Variants in PALM2AKAP2 observed in about 807,000 individuals in gnomAD.
PALM2AKAP2 encodes PALM2 and AKAP2 fusion.
Under a neutral mutation model 71.5 loss-of-function variants are expected in PALM2AKAP2, and 37 were observed. That is an observed-to-expected ratio of 0.52 (90% CI 0.40 to 0.68). The LOEUF is 0.68. Ranked by LOEUF, PALM2AKAP2 falls within the 30% of genes least tolerant of loss-of-function variation. The pLI is 0.00. For synonymous variants in PALM2AKAP2, 468 were observed against 478.8 expected, an observed-to-expected ratio of 0.98 and a Z score of 0.29; for missense variants, 1,224 against 1,191.8, an observed-to-expected ratio of 1.03 and a Z score of -0.40.
chr9:109,887,070 G>T (rs1829981435), intron 3 of PALM2AKAP2, among the ~76,000 whole-genome samples: 1 of 152,048 alleles, frequency 6.6e-6, no homozygotes, highest in African/African-American at 2.4e-5. Flanking sequence ...TGGGTCTCTG[G>T]TAAATACCAG....
intron 1 of PALM2AKAP2, among the ~76,000 whole-genome samples, chr9:109,863,811 G>A (rs1383733982): frequency 6.6e-6 from 1 of 151,028 alleles, no homozygotes; most frequent in African/African-American, 2.4e-5. Context: ...TGGGTTCGGA[G>A]GCTAACACCT....
intron 1 of PALM2AKAP2, among the ~76,000 whole-genome samples, chr9:110,080,324 T>C (rs1005125147): frequency 2.0e-5 from 3 of 152,198 alleles, no homozygotes; most frequent in African/African-American, 7.2e-5. Context: ...TTAAGGTCTT[T>C]AGTATCTTCT....
chr9:109,718,239 C>G (rs982910008), intron 1 of PALM2AKAP2, among the ~76,000 whole-genome samples: 3 of 152,020 alleles, frequency 2.0e-5, no homozygotes, highest in African/African-American at 4.8e-5. Flanking sequence ...TGCCACCATG[C>G]CTGCCTAATT....
intron 1 of PALM2AKAP2, among the ~76,000 whole-genome samples, chr9:109,851,795 C>A (rs541000430): frequency 2.0e-5 from 3 of 152,246 alleles, no homozygotes; most frequent in Admixed American, 6.5e-5. Flanking sequence ...GAAAAGTAAA[C>A]CCCCAAAGCA....
intron 6 of PALM2AKAP2, among the ~76,000 whole-genome samples, chr9:109,985,480 C>T (rs1231449452): frequency 6.6e-6 from 1 of 151,488 alleles, no homozygotes; most frequent in African/African-American, 2.4e-5. Context: ...ATTAGCCAGG[C>T]GTGGTGGCGG....
intron 1 of PALM2AKAP2, among the ~76,000 whole-genome samples, chr9:109,689,200 C>CTTTTTTTTTT (rs200092612): frequency 3.0e-5 from 4 of 134,150 alleles, no homozygotes; most frequent in Non-Finnish European, 4.7e-5. Flanking sequence ...TTTTTCTTTT[C>CTTTTTTTTTT]TTTTTTTTTT....
At chr9:109,829,591 C>T (rs748514204) in intron 1 of PALM2AKAP2, among the ~76,000 whole-genome samples, 2 of 151,478 alleles carry the variant, frequency 1.3e-5, no homozygotes, top group Non-Finnish European at 2.9e-5. Flanking sequence ...TGAAGTATTC[C>T]TTTCTGCACA....
chr9:110,096,971 T>A (rs1316967446), intron 1 of PALM2AKAP2, among the ~76,000 whole-genome samples: 5 of 148,906 alleles, frequency 3.4e-5, no homozygotes, highest in Admixed American at 6.6e-5. Flanking sequence ...TTATTTTTTT[T>A]ATTGATCATT....
At chr9:109,916,627 T>C (rs1257782709) in intron 3 of PALM2AKAP2, among the ~76,000 whole-genome samples, 6 of 152,236 alleles carry the variant, frequency 3.9e-5, no homozygotes. Flanking sequence ...ACCTGGTGAA[T>C]GCATCCTTCA....
At chr9:110,005,456 T>G (rs931020970) in intron 6 of PALM2AKAP2, among the ~76,000 whole-genome samples, 2 of 152,234 alleles carry the variant, frequency 1.3e-5, no homozygotes, top group Non-Finnish European at 1.5e-5. Context: ...GCCTCCCAGT[T>G]AGGCTACTCG....
chr9:109,815,137 T>C (rs1827820627), intron 1 of PALM2AKAP2, among the ~76,000 whole-genome samples: 1 of 152,072 alleles, frequency 6.6e-6, no homozygotes, highest in Admixed American at 6.5e-5. Context: ...AGTTATGTGG[T>C]TGAATTGCTG....
intron 6 of PALM2AKAP2, among the ~76,000 whole-genome samples, chr9:109,988,417 T>G (rs1489441480): frequency 6.6e-6 from 1 of 152,066 alleles, no homozygotes; most frequent in Non-Finnish European, 1.5e-5. Context: ...CATTTTTGAG[T>G]CACAGACCAT....
At chr9:109,768,037 AAG>A (rs1829189734) in intron 1 of PALM2AKAP2, among the ~76,000 whole-genome samples, 1 of 91,788 alleles carries the variant, frequency 1.1e-5, no homozygotes, top group Non-Finnish European at 2.2e-5. Flanking sequence ...AGGAAAGAAA[AAG>A]AGGGAAGGAA....
chr9:110,158,686 T>C (rs1836523094), intron 3 of PALM2AKAP2, among the ~76,000 whole-genome samples: 1 of 152,258 alleles, frequency 6.6e-6, no homozygotes, highest in Admixed American at 6.5e-5. Context: ...CCTGTCTCTA[T>C]ATTTTCCAGT....
At chr9:109,653,664 G>C (rs1827256306) in intron 1 of PALM2AKAP2, among the ~76,000 whole-genome samples, 1 of 152,118 alleles carries the variant, frequency 6.6e-6, no homozygotes, top group Admixed American at 6.6e-5. Context: ...GTGTAGTTGG[G>C]GGGTTCCTGT....
At chr9:109,641,211 C>T (rs909611987) in intron 1 of PALM2AKAP2, among the ~76,000 whole-genome samples, 2 of 152,196 alleles carry the variant, frequency 1.3e-5, no homozygotes, top group Non-Finnish European at 2.9e-5. Context: ...CCATGACTTC[C>T]GATTCCTAAC....
chr9:109,909,634 GGGATAAAGTTGGT>G (rs1167494818), intron 3 of PALM2AKAP2, among the ~76,000 whole-genome samples: 8 of 152,180 alleles, frequency 5.3e-5, no homozygotes, highest in Non-Finnish European at 1.5e-5. Context: ...AAAATACAGT[GGGATAAAGTTGGT>G]GGTAGAAATA....
At chr9:110,094,745 C>T (rs1196004628) in intron 1 of PALM2AKAP2, among the ~76,000 whole-genome samples, 1 of 152,142 alleles carries the variant, frequency 6.6e-6, no homozygotes, top group South Asian at 2.1e-4. Flanking sequence ...GATTACAATT[C>T]GACATGAGAT....
intron 1 of PALM2AKAP2, among the ~76,000 whole-genome samples, chr9:110,052,041 T>C (rs1257994461): frequency 6.6e-6 from 1 of 152,116 alleles, no homozygotes; most frequent in Non-Finnish European, 1.5e-5. Context: ...TAGCTGAGAC[T>C]ACAGGTGCCC....
Sources: allele counts gnomAD v4.1 joint callset (sites outside exome capture counted in the v4.1 genomes callset), GRCh38; gene constraint gnomAD v4.1.1; transcripts MANE v1.5; gene names NCBI Gene and HGNC (gene_info 2026-07-23, HGNC 2026-07-21).